The following DMRT1 variants were observed in gnomAD, a reference collection of about 807,000 sequenced individuals.
The protein encoded by DMRT1 is doublesex and mab-3 related transcription factor 1.
Under a neutral mutation model 32.3 loss-of-function variants are expected in DMRT1, and 7 were observed. The ratio of observed to expected loss-of-function variants is 0.22; its 90% confidence interval spans 0.12 to 0.41. The LOEUF is 0.41. Among genes scored for constraint, DMRT1 ranks in the 10% least tolerant of loss-of-function variants. The probability of loss-of-function intolerance (pLI) is 1.00; values close to 1 mark genes in which losing one functional copy is unlikely to be tolerated. For synonymous variants in DMRT1, 278 were observed against 206.1 expected (o/e 1.35, Z -2.99); for missense variants, 625 against 500.5 (o/e 1.25, Z -2.37).
At chr9:878,200 G>GGCCC (rs149257815) in intron 2 of DMRT1, among the ~76,000 whole-genome samples, 2 of 94,040 alleles carry the variant, frequency 2.1e-5, no homozygotes, top group Non-Finnish European at 4.1e-5. Context: ...TGCAGCTGCT[G>GGCCC]CCCCCCCCCC....
chr9:893,228 G>T (rs549216928), intron 2 of DMRT1, among the ~76,000 whole-genome samples: 20 of 152,146 alleles, frequency 1.3e-4, no homozygotes, highest in Non-Finnish European at 2.6e-4. Flanking sequence ...TTCATTTATT[G>T]GAATTGACAA....
chr9:861,274 G>T (rs149462926), intron 2 of DMRT1, among the ~76,000 whole-genome samples: 1 of 151,696 alleles, frequency 6.6e-6, no homozygotes, highest in African/African-American at 2.4e-5. Context: ...TGACTCTTAA[G>T]GAGCATGCTG....
At chr9:866,122 C>G (rs1361829527) in intron 2 of DMRT1, among the ~76,000 whole-genome samples, 1 of 126,290 alleles carries the variant, frequency 7.9e-6, no homozygotes, top group African/African-American at 2.9e-5. Flanking sequence ...CGAGATCCTG[C>G]TACTGCACTC....
chr9:850,346 C>T (rs1415899690), intron 2 of DMRT1, among the ~76,000 whole-genome samples: 1 of 152,210 alleles, frequency 6.6e-6, no homozygotes, highest in Non-Finnish European at 1.5e-5. Context: ...AAAACAAACA[C>T]ACTGTGGAGA....
At chr9:931,170 C>G (rs1818713623) in intron 4 of DMRT1, among the ~76,000 whole-genome samples, 1 of 152,134 alleles carries the variant, frequency 6.6e-6, no homozygotes, top group African/African-American at 2.4e-5. Flanking sequence ...CTGGGTTTAT[C>G]CATGTTGTAG....
At chr9:957,658 G>T (rs906520219) in intron 4 of DMRT1, among the ~76,000 whole-genome samples, 1 of 152,122 alleles carries the variant, frequency 6.6e-6, no homozygotes, top group African/African-American at 2.4e-5. Flanking sequence ...ATTGTTTTTC[G>T]ATCCGTAGAT....
chr9:864,107 A>G (rs1320041455), intron 2 of DMRT1, among the ~76,000 whole-genome samples: 2 of 152,044 alleles, frequency 1.3e-5, no homozygotes. Context: ...TAACTTTTCC[A>G]CTTCCTGTTG....
At chr9:880,721 T>A (rs1237702832) in intron 2 of DMRT1, among the ~76,000 whole-genome samples, 1 of 104,262 alleles carries the variant, frequency 9.6e-6, no homozygotes, top group Admixed American at 1.2e-4. Context: ...CAAAACTCAG[T>A]CTCAAAAAAA....
chr9:870,615 C>G (rs1466934108), intron 2 of DMRT1, among the ~76,000 whole-genome samples: 1 of 150,914 alleles, frequency 6.6e-6, no homozygotes, highest in Non-Finnish European at 1.5e-5. Context: ...CTTTTCTGGT[C>G]TCTGTTGGGT....
chr9:913,576 G>T (rs1818064138), intron 3 of DMRT1, among the ~76,000 whole-genome samples: 1 of 151,400 alleles, frequency 6.6e-6, no homozygotes, highest in African/African-American at 2.4e-5. Context: ...CTGGAAACTG[G>T]ATGGTTGTAA....
At chr9:865,259 A>G (rs1815930311) in intron 2 of DMRT1, among the ~76,000 whole-genome samples, 1 of 152,200 alleles carries the variant, frequency 6.6e-6, no homozygotes, top group Non-Finnish European at 1.5e-5. Context: ...TCTCAGTGAA[A>G]GAACCTAAGA....
At chr9:898,586 G>C (rs1817459510) in intron 3 of DMRT1, among the ~76,000 whole-genome samples, 2 of 152,122 alleles carry the variant, frequency 1.3e-5, no homozygotes, top group Admixed American at 6.6e-5. Flanking sequence ...GCTCTTCTTT[G>C]GTTGCTGCCC....
chr9:850,713 G>C (rs1589446730), intron 2 of DMRT1, among the ~76,000 whole-genome samples: 1 of 147,398 alleles, frequency 6.8e-6, no homozygotes, highest in East Asian at 1.9e-4. Flanking sequence ...AGAATTTTTA[G>C]TGACCTAGAA....
chr9:967,227 G>GT (rs537906329), intron 4 of DMRT1, among the ~76,000 whole-genome samples: 122 of 152,306 alleles, frequency 8.0e-4, no homozygotes, highest in Middle Eastern at 3.4e-3. Flanking sequence ...TTTTGCTTAA[G>GT]TTTTTTATCT....
chr9:958,037 C>T (rs10114052), intron 4 of DMRT1, among the ~76,000 whole-genome samples: 119,577 of 152,044 alleles, frequency 0.79, 47,092 homozygotes, highest in Middle Eastern at 0.82. Context: ...ATGAAAAATA[C>T]TAATAATTTA....
At chr9:864,738 G>T (rs1253276487) in intron 2 of DMRT1, among the ~76,000 whole-genome samples, 1 of 150,944 alleles carries the variant, frequency 6.6e-6, no homozygotes, top group African/African-American at 2.4e-5. Flanking sequence ...CTAACCTTGC[G>T]ATCCGCCCAC....
chr9:924,833 G>A (rs1458127974), intron 4 of DMRT1, among the ~76,000 whole-genome samples: 2 of 152,176 alleles, frequency 1.3e-5, no homozygotes. Context: ...CTAAAGAATG[G>A]TACAGAAGCA....
Position 873,903 on chromosome 9 carries a change from A to C in DMRT1, c.539-20009A>C, listed in dbSNP as rs531325086. ...AAGTTCACCTTCTAGTACTCCCCCC[A>C]AAATTCAATTAGTAGGGGAAAAGAA... is the stretch of plus-strand genomic sequence containing the variant. On this transcript the variant is annotated intron_variant, in intron 2 of 4. Coordinates refer to ENST00000382276, the MANE Select transcript of DMRT1 (RefSeq NM_021951.3). Among the ~76,000 whole-genome samples the C allele has an allele frequency of 1.1e-4, 17 of 152,342 alleles. 1 individual carries two copies. The East Asian group carries it at 3.3e-3, about 29-fold the overall frequency.
intron 3 of DMRT1, among the ~76,000 whole-genome samples, chr9:896,353 A>G (rs1193272038): frequency 1.5e-5 from 2 of 133,616 alleles, no homozygotes; most frequent in East Asian, 4.4e-4. Context: ...ATCTTGGCTC[A>G]CTGCAACCTC....
Sources: allele counts gnomAD v4.1 joint callset (sites outside exome capture counted in the v4.1 genomes callset), GRCh38; gene constraint gnomAD v4.1.1; transcripts MANE v1.5; gene names NCBI Gene and HGNC (gene_info 2026-07-23, HGNC 2026-07-21).